Variants in PRRG4 observed in about 807,000 individuals in gnomAD.
The protein encoded by PRRG4 is proline rich and Gla domain 4.
Under a neutral mutation model 20.0 loss-of-function variants are expected in PRRG4, and 12 were observed. The observed-to-expected ratio is 0.60, with a 90% CI of 0.38 to 0.97. The LOEUF is 0.97. Ranked by LOEUF, PRRG4 falls within the 50% of genes least tolerant of loss-of-function variation. The pLI, the probability that PRRG4 is intolerant of heterozygous loss-of-function variation, is 0.00. For missense variants in PRRG4, 199 were observed against 265.1 expected, an observed-to-expected ratio of 0.75 and a Z score of 1.73; for synonymous variants, 94 against 96.4, an observed-to-expected ratio of 0.98 and a Z score of 0.15.
In PRRG4 at chr11:32,855,038, A is replaced by C. The variant is rs1851218526; in HGVS notation, c.*1511A>C. 6.6e-6 allele frequency: 1 copy of C among 152,216 alleles called. No individual in the cohort carries two copies. Among genetic ancestry groups the C allele is most frequent in the African/African-American group, 2.4e-5 (1 of 41,442 alleles). The allele number at this position is 152,216 out of a possible 1,614,324, so 9.4% of individuals were successfully genotyped here. Reference sequence around the variant, plus strand: ...ATTATTTTGAAATTTGTTAAACTTCATAAGTAATAGTTTGAGAATGTGGAA... The same window carrying C: ...ATTATTTTGAAATTTGTTAAACTTCCTAAGTAATAGTTTGAGAATGTGGAA... On this transcript the variant is annotated 3_prime_UTR_variant, in exon 6 of 6. Coordinates refer to ENST00000257836, the MANE Select transcript of PRRG4 (RefSeq NM_024081.6).
In PRRG4 at chr11:32,849,446, C is replaced by T. The variant is rs866329738; in HGVS notation, c.450-3850C>T. 8.4e-4 allele frequency among the ~76,000 whole-genome samples: 127 copies of T among 152,078 alleles called. 1 individual carries two copies. The highest frequency in any genetic ancestry group is 2.2e-3 in the Admixed American group (34 of 15,268). On this transcript the variant is annotated intron_variant, in intron 5 of 5. Transcript: ENST00000257836. ...TTGGGAGGCCGAGACGGGCAGATCA[C>T]GAGGTCAGGAGTTCGAGACCAGCCT...
chr11:32,831,898 A>G (rs1000808321), intron 2 of PRRG4, among the ~76,000 whole-genome samples: 6 of 152,098 alleles, frequency 3.9e-5, no homozygotes, highest in Non-Finnish European at 2.9e-5. Flanking sequence ...GCACGTGCCT[A>G]TAATCCCAGC....
intron 5 of PRRG4, among the ~76,000 whole-genome samples, chr11:32,850,588 T>A (rs372076407): frequency 6.6e-6 from 1 of 152,224 alleles, no homozygotes. Flanking sequence ...CATTCTCTTA[T>A]GTTAGCATTA....
At chr11:32,848,547 T>C (rs1395493587) in intron 5 of PRRG4, among the ~76,000 whole-genome samples, 2 of 151,738 alleles carry the variant, frequency 1.3e-5, no homozygotes, top group Non-Finnish European at 2.9e-5. Context: ...ATGATTAAAA[T>C]GGAAAATTTA....
Position 32,830,045 on chromosome 11 carries a change from C to T in PRRG4, c.-151C>T, listed in dbSNP as rs1036695364. 11 of 987,256 alleles carry T rather than the reference C, an allele frequency of 1.1e-5. No individual in the cohort carries two copies. Among genetic ancestry groups the T allele is most frequent in the Non-Finnish European group, 1.3e-5 (11 of 831,284 alleles). The allele number at this position is 987,256 out of a possible 1,614,324, so 61.2% of individuals were successfully genotyped here. On this transcript the variant is annotated 5_prime_UTR_variant, in exon 1 of 6. Transcript: ENST00000257836. ...GCGCGCGGGGGCCATCCAGACCCTG[C>T]GGAGAGCGAGGCCCGGAGCGTCGCC...
In PRRG4 at chr11:32,856,646, C is replaced by A. The variant is rs1851229378; in HGVS notation, c.*3119C>A. On this transcript the variant is annotated 3_prime_UTR_variant, in exon 6 of 6. Transcript: ENST00000257836. ...CACAAGGTTTTATATATAATTAGAT[C>A]AGTTTTCCACTTTATTACAATTAAG... is the stretch of plus-strand genomic sequence containing the variant. The A allele has an allele frequency of 6.6e-6, 1 of 152,012 alleles. No individual in the cohort carries two copies. The highest frequency in any genetic ancestry group is 1.5e-5 in the Non-Finnish European group (1 of 67,998). The allele number at this position is 152,012 out of a possible 1,614,324, so 9.4% of individuals were successfully genotyped here. A position where few individuals can be genotyped will look rare whatever the true frequency, so the allele number is the denominator to read the frequency against.
At chr11:32,837,273 A>C in intron 3 of PRRG4, among the ~76,000 whole-genome samples, 1 of 152,036 alleles carries the variant, frequency 6.6e-6, no homozygotes, top group Admixed American at 6.6e-5. Flanking sequence ...TATTTCAAGT[A>C]TTTACTGGAA....
At chr11:32,842,282 C>A (rs1376956101) in intron 5 of PRRG4, among the ~76,000 whole-genome samples, 4 of 152,112 alleles carry the variant, frequency 2.6e-5, no homozygotes, top group Non-Finnish European at 5.9e-5. Flanking sequence ...TTTTTAAGAT[C>A]TTTCCTCATC....
chr11:32,833,809 G>C (rs1850996245), intron 2 of PRRG4, among the ~76,000 whole-genome samples: 2 of 152,110 alleles, frequency 1.3e-5, no homozygotes, highest in African/African-American at 4.8e-5. Flanking sequence ...GGAGAACAGA[G>C]TGGTAACAAA....
chr11:32,829,928 T>G lies in PRRG4; in HGVS notation c.-268T>G. On this transcript the variant is annotated 5_prime_UTR_variant, in exon 1 of 6. Coordinates refer to ENST00000257836, the MANE Select transcript of PRRG4 (RefSeq NM_024081.6). Reference sequence around the variant, plus strand: ...CCCAGGTAGCCGCCTCCTCCCGTCCTCCGTCGGCCGCCTCCCCGGACCGAG... The same window carrying G: ...CCCAGGTAGCCGCCTCCTCCCGTCCGCCGTCGGCCGCCTCCCCGGACCGAG... 1.0e-6 allele frequency: 1 copy of G among 985,580 alleles called. No individual in the cohort carries two copies. Among genetic ancestry groups the G allele is most frequent in the Non-Finnish European group, 1.2e-6 (1 of 830,074 alleles). 61.1% of individuals were successfully genotyped at this position (985,580 alleles called of 1,614,324 possible).
rs975131951 is a variant in PRRG4, at chr11:32,855,432, T to A, written c.*1905T>A. 1 of 152,336 alleles carries A rather than the reference T, an allele frequency of 6.6e-6. No homozygotes were observed. The highest frequency in any genetic ancestry group is 1.9e-4 in the East Asian group (1 of 5,190). The allele number at this position is 152,336 out of a possible 1,614,324, so 9.4% of individuals were successfully genotyped here. ...TCATTTAGGATCACTTATAAAATGA[T>A]CATTGTTTATTTTGTTTTATAATTT... On this transcript the variant is annotated 3_prime_UTR_variant, in exon 6 of 6. Transcript: ENST00000257836.
intron 2 of PRRG4, among the ~76,000 whole-genome samples, chr11:32,832,173 T>C (rs1228168236): frequency 6.6e-6 from 1 of 152,176 alleles, no homozygotes; most frequent in African/African-American, 2.4e-5. Flanking sequence ...CACCACTTGA[T>C]GAACACATGC....
chr11:32,836,825 A>C lies in PRRG4; in HGVS notation c.267+4A>C. ...TTTTGTGGATGAAGATAAAACGGTA[A>C]TGTGGTTGATTATGTTAATTGGCTG... On this transcript the variant is annotated splice_donor_region_variant and intron_variant, in intron 3 of 5. Transcript: ENST00000257836. The C allele has an allele frequency of 2.5e-6, 4 of 1,607,578 alleles. No individual in the cohort carries two copies. The highest frequency in any genetic ancestry group is 3.4e-6 in the Non-Finnish European group (4 of 1,176,884).
chr11:32,831,812 G>T (rs1850974204), intron 2 of PRRG4, among the ~76,000 whole-genome samples: 2 of 152,074 alleles, frequency 1.3e-5, no homozygotes, highest in South Asian at 4.1e-4. Flanking sequence ...CCTGCGGTCA[G>T]GAGTTCGAGA....
intron 5 of PRRG4, among the ~76,000 whole-genome samples, chr11:32,843,535 G>A (rs978328392): frequency 6.6e-6 from 1 of 151,826 alleles, no homozygotes; most frequent in Non-Finnish European, 1.5e-5. Flanking sequence ...CAAAAGAAAT[G>A]TTCGTTACAT....
In PRRG4 at chr11:32,830,117, C is replaced by T. The variant is rs866841469; in HGVS notation, c.-79C>T. 7.0e-6 allele frequency: 7 copies of T among 995,196 alleles called. No homozygotes were observed. The highest frequency in any genetic ancestry group is 5.1e-4 in the Middle Eastern group (1 of 1,958). 61.6% of individuals were successfully genotyped at this position (995,196 alleles called of 1,614,324 possible). On this transcript the variant is annotated 5_prime_UTR_variant, in exon 1 of 6. Transcript: ENST00000257836. The stretch of plus-strand genomic sequence containing the variant: ...CCGAGGGCCTGGCGGCCGAAGGAAC[C>T]GCCCCAAGAAGAGCCTCTGGCCCGG...
At chr11:32,839,747 G>GCT in intron 4 of PRRG4, among the ~76,000 whole-genome samples, 1 of 114,002 alleles carries the variant, frequency 8.8e-6, no homozygotes. Flanking sequence ...TTAAAATATA[G>GCT]ATATATTTTG....
At chr11:32,846,873 A>G (rs1458606720) in intron 5 of PRRG4, among the ~76,000 whole-genome samples, 1 of 151,902 alleles carries the variant, frequency 6.6e-6, no homozygotes, top group Non-Finnish European at 1.5e-5. Context: ...TGGCACACAC[A>G]TATAGTCCCA....
intron 5 of PRRG4, among the ~76,000 whole-genome samples, chr11:32,852,768 T>G (rs979355064): frequency 1.6e-4 from 24 of 148,862 alleles, no homozygotes; most frequent in Non-Finnish European, 5.9e-5. Context: ...AGGATCAGAT[T>G]TCTCTTTTTT....
Sources: allele counts gnomAD v4.1 joint callset (sites outside exome capture counted in the v4.1 genomes callset), GRCh38; gene constraint gnomAD v4.1.1; transcripts MANE v1.5; gene names NCBI Gene and HGNC (gene_info 2026-07-23, HGNC 2026-07-21).